Variants in MTUS2 observed in about 807,000 individuals in gnomAD.
The protein encoded by MTUS2 is microtubule associated scaffold protein 2.
A neutral mutation model predicts 114.1 loss-of-function variants in MTUS2; 40 were observed. The observed-to-expected ratio is 0.35, with a 90% CI of 0.27 to 0.46. The LOEUF (loss-of-function observed/expected upper bound fraction) is 0.46, where lower values mean the gene tolerates loss of function less well. MTUS2 is among the 20% of genes least tolerant of loss of function. The pLI, the probability that MTUS2 is intolerant of heterozygous loss-of-function variation, is 1.00. For synonymous variants in MTUS2, 688 were observed against 672.0 expected (o/e 1.02, Z -0.37); for missense variants, 1,679 against 1,705.4 (o/e 0.98, Z 0.27).
At chr13:29,306,403 C>T (rs1317682083) in intron 6 of MTUS2, among the ~76,000 whole-genome samples, 20 of 152,064 alleles carry the variant, frequency 1.3e-4, no homozygotes, top group Admixed American at 1.3e-3. Context: ...CATCTCAGCC[C>T]AAAAGTTTCC....
chr13:29,290,955 G>A (rs1898686933), intron 6 of MTUS2, among the ~76,000 whole-genome samples: 1 of 152,216 alleles, frequency 6.6e-6, no homozygotes, highest in African/African-American at 2.4e-5. Flanking sequence ...GAGAGCACTT[G>A]CCACAATGAG....
At chr13:29,007,011 G>A (rs1415307210) in intron 2 of MTUS2, among the ~76,000 whole-genome samples, 1 of 152,170 alleles carries the variant, frequency 6.6e-6, no homozygotes, top group Non-Finnish European at 1.5e-5. Context: ...TTCAAGTTCA[G>A]ATGTCCTGTT....
At chr13:29,236,335 GA>G (rs530285513) in intron 5 of MTUS2, among the ~76,000 whole-genome samples, 144 of 152,236 alleles carry the variant, frequency 9.5e-4, no homozygotes, top group African/African-American at 3.2e-3. Flanking sequence ...ATTAGAGTGA[GA>G]TTTTTTTAAT....
chr13:29,490,071 G>T (rs182970404), intron 11 of MTUS2: 1 of 152,308 alleles, frequency 6.6e-6, no homozygotes, highest in East Asian at 1.9e-4. Context: ...CCATGTGCGT[G>T]TAGGTAATGG....
rs143412521 is a variant in MTUS2, at chr13:29,137,678, G to A, written c.2644+36708G>A. ...GTCGCCCAGGCTGGAGTACAGTGGC[G>A]TGATCTTGGCTCACTGCAACCTCTG... is the stretch of plus-strand genomic sequence containing the variant. On this transcript the variant is annotated intron_variant, in intron 5 of 15. Coordinates refer to ENST00000612955, the MANE Select transcript of MTUS2 (RefSeq NM_001033602.4). Among the ~76,000 whole-genome samples, 371 of 151,332 alleles carry A rather than the reference G, an allele frequency of 2.5e-3. 1 individual carries two copies. The highest frequency in any genetic ancestry group is 7.7e-3 in the African/African-American group (319 of 41,162).
rs567260002 is a variant in MTUS2, at chr13:29,337,793, G to GTTTTTT, written c.2905+13090_2905+13095dup. 1.5e-3 allele frequency among the ~76,000 whole-genome samples: 198 copies of GTTTTTT among 132,618 alleles called. 2 individuals are homozygous for GTTTTTT. The highest frequency in any genetic ancestry group is 4.7e-3 in the African/African-American group (163 of 34,550). 87.0% of individuals were successfully genotyped at this position (132,618 alleles called of 152,430 possible). A position where few individuals can be genotyped will look rare whatever the true frequency, so the allele number is the denominator to read the frequency against. On this transcript the variant is annotated intron_variant, in intron 7 of 15. Coordinates refer to ENST00000612955, the MANE Select transcript of MTUS2 (RefSeq NM_001033602.4). ...ATTTTTTGTTTGTTTGTTTGTTTTG[G>GTTTTTT]TTTTTTTTTTTTTGAGACAGAGTCT...
chr13:28,973,002 A>G (rs532995884), intron 2 of MTUS2, among the ~76,000 whole-genome samples: 4 of 152,294 alleles, frequency 2.6e-5, no homozygotes, highest in Non-Finnish European at 4.4e-5. Flanking sequence ...ATATATGTAT[A>G]TATCAAAAAA....
At position 28,887,631 on chromosome 13, in the gene MTUS2, G is replaced by A. The variant is rs143323608; in HGVS notation, c.-243+47781G>A. Among the ~76,000 whole-genome samples the A allele has an allele frequency of 1.8e-3, 269 of 152,330 alleles. 2 individuals are homozygous for A. Among genetic ancestry groups the A allele is most frequent in the African/African-American group, 6.3e-3 (260 of 41,582 alleles). ...TGGACTTCAGTGGGCCAAAGGGAGGGAGGAAGAGCATTCTGGACCTTGCAG... is the reference window on the plus strand; with the variant it reads ...TGGACTTCAGTGGGCCAAAGGGAGGAAGGAAGAGCATTCTGGACCTTGCAG... On this transcript the variant is annotated intron_variant, in intron 2 of 15. Coordinates refer to ENST00000612955, the MANE Select transcript of MTUS2 (RefSeq NM_001033602.4).
intron 5 of MTUS2, among the ~76,000 whole-genome samples, chr13:29,262,164 C>A (rs1897497773): frequency 2.0e-5 from 3 of 152,230 alleles, no homozygotes; most frequent in South Asian, 2.1e-4. Flanking sequence ...TCAGTGTTAG[C>A]ACTCCTGGCC....
At chr13:29,301,088 C>T (rs4769712) in intron 6 of MTUS2, among the ~76,000 whole-genome samples, 1 of 151,774 alleles carries the variant, frequency 6.6e-6, no homozygotes, top group African/African-American at 2.4e-5. Flanking sequence ...TTTGGGCCCA[C>T]ACTTTGCTAA....
intron 5 of MTUS2, among the ~76,000 whole-genome samples, chr13:29,199,421 G>A (rs1238056561): frequency 6.6e-6 from 1 of 152,150 alleles, no homozygotes; most frequent in Admixed American, 6.5e-5. Context: ...TTTTATCAAA[G>A]GCCTTTTCTG....
Position 29,185,986 on chromosome 13 carries a change from C to T in MTUS2, c.2644+85016C>T, listed in dbSNP as rs1175616396. On this transcript the variant is annotated intron_variant, in intron 5 of 15. Transcript: ENST00000612955. ...CTTTGGGAGGCTGAGGCAGGAGAAT[C>T]ACTTGAGCACAGGAGTTTGATTGAG... 4.6e-5 allele frequency among the ~76,000 whole-genome samples: 7 copies of T among 152,206 alleles called. No homozygotes were observed. In the South Asian group the frequency reaches 6.2e-4, roughly 14 times the overall value.
intron 6 of MTUS2, among the ~76,000 whole-genome samples, chr13:29,301,418 CTT>C (rs1355233494): frequency 6.6e-6 from 1 of 152,166 alleles, no homozygotes; most frequent in Non-Finnish European, 1.5e-5. Context: ...GTTGTAGACT[CTT>C]TTTTAAAGAG....
chr13:28,844,838 C>T (rs980233459), intron 2 of MTUS2, among the ~76,000 whole-genome samples: 5 of 152,126 alleles, frequency 3.3e-5, no homozygotes, highest in Non-Finnish European at 5.9e-5. Flanking sequence ...AGGGTGGTCT[C>T]GAACTCGAGC....
At chr13:28,865,138 T>A (rs1363391731) in intron 2 of MTUS2, among the ~76,000 whole-genome samples, 5 of 152,174 alleles carry the variant, frequency 3.3e-5, no homozygotes, top group Non-Finnish European at 7.3e-5. Context: ...CGTGTGTGTG[T>A]CTATTCAGCT....
intron 5 of MTUS2, among the ~76,000 whole-genome samples, chr13:29,119,649 CAGG>C (rs1891227884): frequency 6.6e-6 from 1 of 152,114 alleles, no homozygotes; most frequent in Admixed American, 6.5e-5. Flanking sequence ...GTACTGAGGG[CAGG>C]AGAAGATCCC....
chr13:28,919,195 A>G (rs1215255714), intron 2 of MTUS2, among the ~76,000 whole-genome samples: 1 of 152,096 alleles, frequency 6.6e-6, no homozygotes, highest in Admixed American at 6.5e-5. Flanking sequence ...ATTATTGCTC[A>G]TTAATGTCTT....
Position 29,218,555 on chromosome 13 carries a change from G to A in MTUS2, c.2645-63149G>A, listed in dbSNP as rs146107083. Among the ~76,000 whole-genome samples the A allele has an allele frequency of 3.4e-3, 516 of 152,326 alleles. 4 individuals are homozygous for A. Among genetic ancestry groups the A allele is most frequent in the African/African-American group, 0.012 (490 of 41,568 alleles). On this transcript the variant is annotated intron_variant, in intron 5 of 15. Coordinates refer to ENST00000612955, the MANE Select transcript of MTUS2 (RefSeq NM_001033602.4). ...ATTAAGGGAATCATTGTCTATGGCA[G>A]CTATAGCCCTACAAAATGTATTTCT...
chr13:29,437,992 G>A (rs963625550), intron 8 of MTUS2, among the ~76,000 whole-genome samples: 3 of 151,166 alleles, frequency 2.0e-5, no homozygotes, highest in Admixed American at 6.6e-5. Flanking sequence ...AATTCTAAAT[G>A]CATTTAGATA....
Sources: allele counts gnomAD v4.1 joint callset (sites outside exome capture counted in the v4.1 genomes callset), GRCh38; gene constraint gnomAD v4.1.1; transcripts MANE v1.5; gene names NCBI Gene and HGNC (gene_info 2026-07-23, HGNC 2026-07-21).